The following CADM2 variants were observed in gnomAD, a reference collection of about 807,000 sequenced individuals.
The protein encoded by CADM2 is cell adhesion molecule 2, also known as immunoglobulin superfamily member 4D.
Under a neutral mutation model 49.8 loss-of-function variants are expected in CADM2, and 12 were observed. The ratio of observed to expected loss-of-function variants is 0.24; its 90% CI spans 0.15 to 0.39. CADM2 has a LOEUF of 0.39. Among genes scored for constraint, CADM2 ranks in the 10% least tolerant of loss-of-function variants. The probability of loss-of-function intolerance (pLI) is 1.00; values close to 1 mark genes in which losing one functional copy is unlikely to be tolerated. For missense variants in CADM2, 378 were observed against 492.3 expected, an observed-to-expected ratio of 0.77 and a Z score of 2.20; for synonymous variants, 214 against 175.4, an observed-to-expected ratio of 1.22 and a Z score of -1.74.
chr3:85,075,230 T>G (rs2036899872), intron 1 of CADM2, among the ~76,000 whole-genome samples: 1 of 151,980 alleles, frequency 6.6e-6, no homozygotes, highest in Non-Finnish European at 1.5e-5. Context: ...TTTTTTGTTT[T>G]TTTTTTTTAA....
intron 3 of CADM2, among the ~76,000 whole-genome samples, chr3:85,802,973 A>G (rs182735310): frequency 7.6e-4 from 115 of 152,116 alleles, no homozygotes; most frequent in Middle Eastern, 3.4e-3. Flanking sequence ...AGCTATTCTT[A>G]TTCTTAAAAT....
intron 1 of CADM2, among the ~76,000 whole-genome samples, chr3:85,370,256 A>ATAG (rs2033124511): frequency 6.8e-6 from 1 of 147,178 alleles, no homozygotes; most frequent in Non-Finnish European, 1.5e-5. Context: ...AATAATAATA[A>ATAG]TAAAATTTTA....
intron 7 of CADM2, among the ~76,000 whole-genome samples, chr3:85,946,053 T>C (rs1196059661): frequency 6.6e-6 from 1 of 151,928 alleles, no homozygotes; most frequent in South Asian, 2.1e-4. Context: ...CCAAAATCTC[T>C]TTAAGCTGAT....
intron 1 of CADM2, among the ~76,000 whole-genome samples, chr3:85,014,648 T>C (rs2034165876): frequency 6.6e-6 from 1 of 152,180 alleles, no homozygotes; most frequent in Non-Finnish European, 1.5e-5. Context: ...TTAGTGGTTT[T>C]GGCTCAGGGT....
chr3:85,393,050 G>A (rs545494586), intron 1 of CADM2, among the ~76,000 whole-genome samples: 99 of 148,346 alleles, frequency 6.7e-4, no homozygotes, highest in Middle Eastern at 3.5e-3. Flanking sequence ...TGCAGGATTA[G>A]TTGAAGAAGA....
chr3:85,593,049 T>C (rs1021578079), intron 1 of CADM2, among the ~76,000 whole-genome samples: 1 of 152,024 alleles, frequency 6.6e-6, no homozygotes, highest in Non-Finnish European at 1.5e-5. Flanking sequence ...GCCAGTGTCA[T>C]GGTTCCTGCA....
intron 1 of CADM2, among the ~76,000 whole-genome samples, chr3:85,024,264 C>T (rs1469715219): frequency 6.6e-6 from 1 of 152,064 alleles, no homozygotes; most frequent in Non-Finnish European, 1.5e-5. Context: ...CCTCATTTTA[C>T]TTTCAGATAT....
At chr3:85,852,221 C>T (rs2075135672) in intron 3 of CADM2, among the ~76,000 whole-genome samples, 1 of 152,024 alleles carries the variant, frequency 6.6e-6, no homozygotes, top group South Asian at 2.1e-4. Context: ...ACACTGCTTT[C>T]TTGGAAATAA....
Position 86,060,060 on chromosome 3 carries a change from AT to A in CADM2, c.971-5544del, listed in dbSNP as rs558859147. Among the ~76,000 whole-genome samples the A allele has an allele frequency of 3.6e-3, 546 of 152,284 alleles. 4 individuals carry two copies. Among genetic ancestry groups the A allele is most frequent in the African/African-American group, 0.012 (509 of 41,562 alleles). ...AGTTGAAGTATTTCCTTCACAGATT[AT>A]AAGAATGAATAGGATCAAATAAATA... On this transcript the variant is annotated intron_variant, in intron 8 of 9. Coordinates refer to ENST00000383699, the MANE Select transcript of CADM2 (RefSeq NM_001167675.2).
chr3:85,684,420 AG>A (rs997979945), intron 1 of CADM2, among the ~76,000 whole-genome samples: 3 of 152,042 alleles, frequency 2.0e-5, no homozygotes, highest in Non-Finnish European at 4.4e-5. Flanking sequence ...TAGGTTTAGC[AG>A]TAGGCAAGCC....
intron 3 of CADM2, among the ~76,000 whole-genome samples, chr3:85,813,279 T>C (rs2072998442): frequency 6.6e-6 from 1 of 152,242 alleles, no homozygotes; most frequent in Non-Finnish European, 1.5e-5. Flanking sequence ...GTGGTTTTGA[T>C]TTGCATTTCT....
intron 1 of CADM2, among the ~76,000 whole-genome samples, chr3:85,297,126 A>T (rs1023253652): frequency 3.9e-5 from 6 of 152,172 alleles, no homozygotes; most frequent in African/African-American, 1.4e-4. Flanking sequence ...TTTTAAAATG[A>T]TAAATATAGA....
At chr3:85,436,617 T>C (rs1012697041) in intron 1 of CADM2, among the ~76,000 whole-genome samples, 1 of 152,152 alleles carries the variant, frequency 6.6e-6, no homozygotes, top group African/African-American at 2.4e-5. Flanking sequence ...ATAAATTTAC[T>C]TTTATGTTAA....
chr3:85,942,553 C>A (rs1033841238), intron 7 of CADM2, among the ~76,000 whole-genome samples: 1 of 143,498 alleles, frequency 7.0e-6, no homozygotes, highest in Non-Finnish European at 1.5e-5. Context: ...TCTCATTGTT[C>A]AATTCCCACC....
At chr3:85,864,849 G>A (rs1254471321) in intron 3 of CADM2, among the ~76,000 whole-genome samples, 2 of 152,124 alleles carry the variant, frequency 1.3e-5, no homozygotes, top group Non-Finnish European at 2.9e-5. Context: ...TTCCTTGGAA[G>A]CTAGAATTTT....
At chr3:86,053,085 T>C (rs1737528162) in intron 8 of CADM2, among the ~76,000 whole-genome samples, 1 of 152,190 alleles carries the variant, frequency 6.6e-6, no homozygotes, top group Non-Finnish European at 1.5e-5. Flanking sequence ...TCTTCTGAAT[T>C]CATGTTATAA....
chr3:85,471,687 C>CATTTTATTTTATTTTATTTT (rs56816947), intron 1 of CADM2, among the ~76,000 whole-genome samples: 4,283 of 143,376 alleles, frequency 0.03, 101 homozygotes, highest in South Asian at 0.087. Context: ...ATATTTTTAG[C>CATTTTATTTTATTTTATTTT]ATTTTATTTT....
At chr3:85,591,980 G>A (rs1220824748) in intron 1 of CADM2, among the ~76,000 whole-genome samples, 1 of 151,634 alleles carries the variant, frequency 6.6e-6, no homozygotes, top group African/African-American at 2.4e-5. Flanking sequence ...TTAAAAATCA[G>A]GTAACTTCCT....
intron 1 of CADM2, among the ~76,000 whole-genome samples, chr3:85,146,244 C>G (rs1443155722): frequency 2.6e-5 from 4 of 152,044 alleles, no homozygotes; most frequent in Non-Finnish European, 5.9e-5. Flanking sequence ...TCTTGATGGC[C>G]TTTTATAATA....
Sources: gnomAD v4.1 joint callset for allele counts (sites outside exome capture counted in the v4.1 genomes callset) on GRCh38, gnomAD v4.1.1 for gene constraint, MANE v1.5 for transcripts, NCBI Gene and HGNC (gene_info 2026-07-23, HGNC 2026-07-21) for gene names.